Variants in ZBTB38 observed in about 807,000 individuals in gnomAD.
ZBTB38 encodes the protein zinc finger and BTB domain containing 38.
In ZBTB38, 20 loss-of-function variants were observed where a neutral mutation model predicts 76.8. That is an observed-to-expected ratio of 0.26 (90% CI 0.18 to 0.38). ZBTB38 has a LOEUF of 0.38. Among genes scored for constraint, ZBTB38 ranks in the 10% least tolerant of loss-of-function variants. The pLI, the probability that ZBTB38 is intolerant of heterozygous loss-of-function variation, is 1.00. For missense variants in ZBTB38, 1,082 were observed against 1,482.3 expected (o/e 0.73, Z 4.43); for synonymous variants, 504 against 544.2 (o/e 0.93, Z 1.03).
At chr3:141,330,195 G>A (rs1003945879) in intron 1 of ZBTB38, among the ~76,000 whole-genome samples, 3 of 152,294 alleles carry the variant, frequency 2.0e-5, no homozygotes, top group East Asian at 1.9e-4. Flanking sequence ...TATAGCCAGT[G>A]GCCTCAGGGA....
rs115726078 is a variant in ZBTB38, at chr3:141,361,122, C to T, written c.-738-7499C>T. On this transcript the variant is annotated intron_variant, in intron 1 of 7. Coordinates refer to the ZBTB38 transcript ENST00000509842. ...TCTTGACTTTGTTTCTGTTTCTGACCGCCCCAGCCTTAAATAAATAGTCTT... is the reference window on the plus strand; with the variant it reads ...TCTTGACTTTGTTTCTGTTTCTGACTGCCCCAGCCTTAAATAAATAGTCTT... Among the ~76,000 whole-genome samples the T allele has an allele frequency of 3.3e-3, 496 of 152,288 alleles. 4 individuals carry two copies. The highest frequency in any genetic ancestry group is 0.011 in the African/African-American group (462 of 41,570).
intron 1 of ZBTB38, among the ~76,000 whole-genome samples, chr3:141,356,394 CA>C (rs144207532): frequency 0.018 from 2,759 of 152,174 alleles, 47 homozygotes; most frequent in Non-Finnish European, 0.027. Context: ...CACCTTTTCT[CA>C]CTCATACAAA....
intron 1 of ZBTB38, among the ~76,000 whole-genome samples, chr3:141,351,235 C>T (rs1198012173): frequency 6.6e-6 from 1 of 152,116 alleles, no homozygotes; most frequent in African/African-American, 2.4e-5. Context: ...CAGTTGCTTG[C>T]TTCATACTTA....
intron 5 of ZBTB38, among the ~76,000 whole-genome samples, chr3:141,410,738 T>A (rs1956343077): frequency 6.6e-6 from 1 of 152,226 alleles, no homozygotes. Flanking sequence ...GAAGGCTGTT[T>A]TCCATCTTAC....
chr3:141,422,101 C>T (rs1338004221), intron 5 of ZBTB38, among the ~76,000 whole-genome samples: 1 of 152,234 alleles, frequency 6.6e-6, no homozygotes. Flanking sequence ...TTGGGGCATT[C>T]ACTTTTATGA....
At chr3:141,390,050 C>A (rs149813406) in intron 4 of ZBTB38, 1 of 152,102 alleles carries the variant, frequency 6.6e-6, no homozygotes, top group Non-Finnish European at 1.5e-5. Context: ...ATCGTACCAT[C>A]GTCATTCTAA....
intron 1 of ZBTB38, among the ~76,000 whole-genome samples, chr3:141,342,331 CCAA>C (rs1218619781): frequency 7.1e-6 from 1 of 140,506 alleles, no homozygotes; most frequent in Non-Finnish European, 1.5e-5. Flanking sequence ...CAAGCTGGGA[CCAA>C]CACAGAAAAT....
intron 5 of ZBTB38, among the ~76,000 whole-genome samples, chr3:141,428,012 T>C (rs2076726091): frequency 6.6e-6 from 1 of 152,198 alleles, no homozygotes; most frequent in Non-Finnish European, 1.5e-5. Flanking sequence ...TGGCCAGCCA[T>C]GAAGGATCCC....
At chr3:141,375,114 C>T (rs1458840493) in intron 2 of ZBTB38, among the ~76,000 whole-genome samples, 1 of 152,186 alleles carries the variant, frequency 6.6e-6, no homozygotes, top group African/African-American at 2.4e-5. Flanking sequence ...AAACTCTGAG[C>T]TAGTATGTCT....
At chr3:141,431,441 A>G (rs1430209086) in intron 5 of ZBTB38, among the ~76,000 whole-genome samples, 1 of 151,176 alleles carries the variant, frequency 6.6e-6, no homozygotes, top group Non-Finnish European at 1.5e-5. Context: ...GAGATTCTCT[A>G]AGCCTGTTTG....
At chr3:141,403,163 A>G (rs1952948868) in intron 4 of ZBTB38, 1 of 152,208 alleles carries the variant, frequency 6.6e-6, no homozygotes, top group East Asian at 1.9e-4. Flanking sequence ...GTAAGTGCCT[A>G]ATTCCATTCT....
At chr3:141,408,353 C>G (rs1441370978) in intron 5 of ZBTB38, among the ~76,000 whole-genome samples, 2 of 152,196 alleles carry the variant, frequency 1.3e-5, no homozygotes, top group Admixed American at 6.5e-5. Flanking sequence ...TCGGGACCAG[C>G]CTGGCCAACG....
chr3:141,417,400 T>A (rs564702605), intron 5 of ZBTB38, among the ~76,000 whole-genome samples: 6 of 152,306 alleles, frequency 3.9e-5, no homozygotes, highest in African/African-American at 1.4e-4. Context: ...ACCTTCATTA[T>A]CCACCTCCCA....
rs1304881598 is a variant in ZBTB38 at position 141,413,232 on chromosome 3, G to A, written c.-1+9201G>A. On this transcript the variant is annotated intron_variant, in intron 5 of 5. Transcript: ENST00000321464. The surrounding 1 kb of genome is among the most constrained non-coding windows in gnomAD (Gnocchi z 4.1). Reference sequence around the variant, plus strand: ...GGAGCCAGGTGTCTGTTGACAGTGGGGAGGAGGTGGGGAAGACCCAGCCGG... The same window carrying A: ...GGAGCCAGGTGTCTGTTGACAGTGGAGAGGAGGTGGGGAAGACCCAGCCGG... 1.3e-5 allele frequency among the ~76,000 whole-genome samples: 2 copies of A among 152,214 alleles called. No homozygotes were observed. Among genetic ancestry groups the A allele is most frequent in the African/African-American group, 4.8e-5 (2 of 41,454 alleles).
chr3:141,359,948 A>C (rs540411957), intron 1 of ZBTB38, among the ~76,000 whole-genome samples: 5 of 151,970 alleles, frequency 3.3e-5, no homozygotes, highest in African/African-American at 1.2e-4. Context: ...AAAACAACAA[A>C]ATTTTTTTGA....
intron 2 of ZBTB38, among the ~76,000 whole-genome samples, chr3:141,374,792 T>A (rs950224658): frequency 2.6e-5 from 4 of 152,168 alleles, no homozygotes; most frequent in African/African-American, 9.7e-5. Flanking sequence ...AATGTATCAG[T>A]TTTTTGTTGT....
chr3:141,376,707 C>T (rs997030901), intron 2 of ZBTB38, among the ~76,000 whole-genome samples: 7 of 152,306 alleles, frequency 4.6e-5, no homozygotes, highest in East Asian at 3.9e-4. Flanking sequence ...TAATTGCTCA[C>T]GAGACCTGGA....
rs748843851 is a variant in ZBTB38 at position 141,444,261 on chromosome 3, C to T, written c.1873C>T (p.Leu625=). 6.2e-7 allele frequency: 1 copy of T among 1,614,218 alleles called. No homozygotes were observed. Among genetic ancestry groups the T allele is most frequent in the South Asian group, 1.1e-5 (1 of 91,082 alleles). ...GAATTTCCAAGATACTGTAAACACCCTGACCAACAGTCCAGCCATCCCATT... is the reference window on the plus strand; with the variant it reads ...GAATTTCCAAGATACTGTAAACACCTTGACCAACAGTCCAGCCATCCCATT... ...TLNFQDTVNT[L]TNSPAIPLET... The change falls in exon 6 of 6, where the codon CTG becomes TTG. Residue 625 remains leucine, a synonymous_variant. Coordinates refer to ENST00000321464, the MANE Select transcript of ZBTB38 (RefSeq NM_001376113.1). The surrounding 1 kb of genome is among the most constrained non-coding windows in gnomAD (Gnocchi z 5.1).
chr3:141,434,195 G>A (rs1456369160), intron 5 of ZBTB38: 3 of 985,260 alleles, frequency 3.0e-6, no homozygotes, highest in Non-Finnish European at 3.6e-6. Flanking sequence ...GAGGAACAAG[G>A]CTATGCAGAT....
Sources: allele counts gnomAD v4.1 joint callset (sites outside exome capture counted in the v4.1 genomes callset), GRCh38; gene constraint gnomAD v4.1.1; non-coding constraint Gnocchi (gnomAD v3.1); transcripts MANE v1.5; gene names NCBI Gene and HGNC (gene_info 2026-07-23, HGNC 2026-07-21).